The following ARHGAP10 variants were observed in gnomAD, a reference collection of about 807,000 sequenced individuals.
ARHGAP10 encodes rho GTPase-activating protein 10.
In ARHGAP10, 87 loss-of-function variants were observed where a neutral mutation model predicts 108.6. That is an observed-to-expected ratio of 0.80 (90% confidence interval 0.67 to 0.96). The LOEUF is 0.96. ARHGAP10 is among the 40% of genes least tolerant of loss of function. ARHGAP10 has a pLI of 0.00. For missense variants in ARHGAP10, 939 were observed against 954.5 expected, an observed-to-expected ratio of 0.98 and a Z score of 0.21; for synonymous variants, 347 against 341.1, an observed-to-expected ratio of 1.02 and a Z score of -0.19.
At chr4:147,922,286 G>A (rs1737267584) in intron 13 of ARHGAP10, among the ~76,000 whole-genome samples, 1 of 152,004 alleles carries the variant, frequency 6.6e-6, no homozygotes, top group South Asian at 2.1e-4. Flanking sequence ...CTGAAGGGTT[G>A]CCTTGCCTTT....
intron 18 of ARHGAP10, among the ~76,000 whole-genome samples, chr4:148,004,689 A>G (rs1740871682): frequency 6.6e-6 from 1 of 152,210 alleles, no homozygotes; most frequent in Non-Finnish European, 1.5e-5. Context: ...AACTGCAAGG[A>G]AATGAATTCT....
At chr4:148,045,252 C>G (rs527433693) in intron 19 of ARHGAP10, among the ~76,000 whole-genome samples, 1 of 152,192 alleles carries the variant, frequency 6.6e-6, no homozygotes, top group Non-Finnish European at 1.5e-5. Context: ...ACCACCATCT[C>G]TAACTCCTGC....
intron 20 of ARHGAP10, among the ~76,000 whole-genome samples, chr4:148,059,473 A>C (rs1729505818): frequency 6.7e-6 from 1 of 150,186 alleles, no homozygotes; most frequent in African/African-American, 2.4e-5. Flanking sequence ...CAATAAATAG[A>C]TTTTTTAAAT....
At chr4:147,937,950 G>T (rs186089998) in intron 13 of ARHGAP10, among the ~76,000 whole-genome samples, 12 of 152,302 alleles carry the variant, frequency 7.9e-5, no homozygotes, top group Non-Finnish European at 1.8e-4. Context: ...TTGTACTCCA[G>T]CCTGGGCAAC....
In ARHGAP10 at chr4:148,023,219, C is replaced by T. The variant is rs369304895; in HGVS notation, c.1717-44C>T. 216 of 1,603,578 alleles carry T rather than the reference C, an allele frequency of 1.3e-4. 1 individual carries two copies. The Middle Eastern group carries it at 4.1e-3, about 31-fold the overall frequency. Reference sequence around the variant, plus strand: ...GTTTACTGGAGTAACACACAGGTTTCTGTTCATGGTAAATAATTCCTGTCC... The same window carrying T: ...GTTTACTGGAGTAACACACAGGTTTTTGTTCATGGTAAATAATTCCTGTCC... On this transcript the variant is annotated intron_variant, in intron 18 of 22. Coordinates refer to ENST00000336498, the MANE Select transcript of ARHGAP10 (RefSeq NM_024605.4).
chr4:148,028,086 G>C lies in ARHGAP10; in HGVS notation c.1867+4673G>C, dbSNP rs563317588. Among the ~76,000 whole-genome samples the C allele has an allele frequency of 2.0e-5, 3 of 152,312 alleles. No homozygotes were observed. In the East Asian group the frequency reaches 5.8e-4, roughly 29 times the overall value. Reference sequence around the variant, plus strand: ...CAGTGAAATAAGAAACAACGTGGCAGTAAGTGCCCAGTGCTAGCTCTGAGG... The same window carrying C: ...CAGTGAAATAAGAAACAACGTGGCACTAAGTGCCCAGTGCTAGCTCTGAGG... On this transcript the variant is annotated intron_variant, in intron 19 of 22. Transcript: ENST00000336498.
At chr4:147,774,173 T>C (rs1027203304) in intron 1 of ARHGAP10, among the ~76,000 whole-genome samples, 3 of 152,230 alleles carry the variant, frequency 2.0e-5, no homozygotes, top group Admixed American at 2.0e-4. Flanking sequence ...TGTATAAAAA[T>C]GTTGACTCTT....
At chr4:147,964,096 C>T (rs1411129614) in intron 16 of ARHGAP10, among the ~76,000 whole-genome samples, 5 of 152,198 alleles carry the variant, frequency 3.3e-5, no homozygotes, top group African/African-American at 1.2e-4. Flanking sequence ...AGGGCTGGCC[C>T]ATTCCTGGAG....
At chr4:147,909,653 T>G in intron 11 of ARHGAP10, 79 bp from the exon 12 acceptor site, 1 of 1,188,862 alleles carries the variant, frequency 8.4e-7, no homozygotes, top group Admixed American at 2.2e-5. Context: ...TTTTTTTTTG[T>G]ATGGTCCTCA....
chr4:148,017,066 A>T, intron 18 of ARHGAP10, among the ~76,000 whole-genome samples: 1 of 151,874 alleles, frequency 6.6e-6, no homozygotes, highest in Non-Finnish European at 1.5e-5. Context: ...GAGGCAGGAG[A>T]ATCGCCTTTT....
intron 19 of ARHGAP10, among the ~76,000 whole-genome samples, chr4:148,044,249 G>A (rs1378639669): frequency 6.6e-6 from 1 of 152,096 alleles, no homozygotes; most frequent in Admixed American, 6.5e-5. Flanking sequence ...CTATCTGGTT[G>A]TAAAAACATT....
rs1023307969 is a variant in ARHGAP10 at position 147,929,795 on chromosome 4, A to G, written c.1229-10030A>G. On this transcript the variant is annotated intron_variant, in intron 13 of 22. Transcript: ENST00000336498. The stretch of plus-strand genomic sequence containing the variant: ...AAGATTAGCTAATGTTAGTAATTAT[A>G]TATGAAAATATATACATATAAGGCA... Among the ~76,000 whole-genome samples the G allele has an allele frequency of 3.3e-5, 5 of 152,214 alleles. No individual in the cohort carries two copies. In the South Asian group the frequency reaches 6.2e-4, roughly 19 times the overall value.
chr4:147,864,742 A>G, intron 5 of ARHGAP10, 104 bp from the exon 6 acceptor site: 1 of 862,566 alleles, frequency 1.2e-6, no homozygotes, highest in Non-Finnish European at 1.8e-6. Flanking sequence ...AAAATCAGGC[A>G]GCACACCGTA....
chr4:147,971,985 G>A (rs1213487205), intron 18 of ARHGAP10, among the ~76,000 whole-genome samples: 1 of 152,106 alleles, frequency 6.6e-6, no homozygotes, highest in African/African-American at 2.4e-5. Flanking sequence ...TCTTGGGGAA[G>A]GTGTGATAGA....
At chr4:147,882,930 G>A (rs576684582) in intron 10 of ARHGAP10, among the ~76,000 whole-genome samples, 1 of 152,238 alleles carries the variant, frequency 6.6e-6, no homozygotes, top group Admixed American at 6.5e-5. Context: ...ATAGTTTTTA[G>A]GTAAGGCTGT....
intron 13 of ARHGAP10, among the ~76,000 whole-genome samples, chr4:147,930,603 C>G (rs1299764704): frequency 6.6e-6 from 1 of 152,188 alleles, no homozygotes; most frequent in Non-Finnish European, 1.5e-5. Flanking sequence ...CTCAGCAATT[C>G]CTGTGAAATT....
At chr4:148,020,824 TG>T (rs1297556315) in intron 18 of ARHGAP10, among the ~76,000 whole-genome samples, 3 of 152,174 alleles carry the variant, frequency 2.0e-5, no homozygotes, top group Non-Finnish European at 1.5e-5. Flanking sequence ...ATGGGATTGC[TG>T]GGTCAAATGG....
chr4:147,829,484 C>G (rs139783572), intron 3 of ARHGAP10, among the ~76,000 whole-genome samples: 1 of 152,158 alleles, frequency 6.6e-6, no homozygotes, highest in Admixed American at 6.5e-5. Flanking sequence ...CCACCGCGCC[C>G]GGCCAGGACA....
intron 3 of ARHGAP10, among the ~76,000 whole-genome samples, chr4:147,830,952 C>T (rs79789847): frequency 0.012 from 1,827 of 152,294 alleles, 24 homozygotes; most frequent in Non-Finnish European, 0.015. Context: ...GCTATTCTTT[C>T]TTTAGTATGC....
Sources: gnomAD v4.1 joint callset for allele counts (sites outside exome capture counted in the v4.1 genomes callset) on GRCh38, gnomAD v4.1.1 for gene constraint, MANE v1.5 for transcripts, NCBI Gene and HGNC (gene_info 2026-07-23, HGNC 2026-07-21) for gene names.